Variants in PLCE1 observed in about 807,000 individuals in gnomAD.
PLCE1 encodes the protein 1-phosphatidylinositol 4,5-bisphosphate phosphodiesterase epsilon-1.
PLCE1 carries 119 observed loss-of-function variants against 242.8 expected under a neutral mutation model. That is an observed-to-expected ratio of 0.49 (90% CI 0.42 to 0.57). The LOEUF is 0.57. PLCE1 is among the 20% of genes least tolerant of loss of function. PLCE1 has a pLI of 0.00. For synonymous variants in PLCE1, 945 were observed against 1,017.4 expected (o/e 0.93, Z 1.35); for missense variants, 2,441 against 2,788.8 (o/e 0.88, Z 2.81).
chr10:94,086,824 T>A (rs1202037779), intron 2 of PLCE1, among the ~76,000 whole-genome samples: 1 of 152,182 alleles, frequency 6.6e-6, no homozygotes, highest in Non-Finnish European at 1.5e-5. Context: ...TGTGGCCCTA[T>A]GCAAATCATT....
At chr10:94,196,325 T>C (rs2048819761) in intron 4 of PLCE1, among the ~76,000 whole-genome samples, 1 of 152,232 alleles carries the variant, frequency 6.6e-6, no homozygotes, top group South Asian at 2.1e-4. Flanking sequence ...GTTCTCTTCT[T>C]CGTTCCTTTG....
intron 1 of PLCE1, among the ~76,000 whole-genome samples, chr10:94,003,037 A>G (rs547561916): frequency 1.3e-5 from 2 of 152,208 alleles, no homozygotes; most frequent in South Asian, 4.2e-4. Context: ...CTTACTCATT[A>G]TTTTCTAAAG....
At chr10:94,319,860 T>TCAAAGGA (rs542683196) in intron 29 of PLCE1, among the ~76,000 whole-genome samples, 1 of 137,948 alleles carries the variant, frequency 7.2e-6, no homozygotes, top group African/African-American at 2.7e-5. Flanking sequence ...GGCTCAAAGG[T>TCAAAGGA]GCTCTTTTTT....
intron 3 of PLCE1, among the ~76,000 whole-genome samples, chr10:94,170,310 C>T (rs1168130721): frequency 6.6e-6 from 1 of 152,194 alleles, no homozygotes; most frequent in Non-Finnish European, 1.5e-5. Flanking sequence ...TGTTCTAGGG[C>T]TCATCAGAGA....
chr10:94,124,811 T>G (rs2135816400), intron 2 of PLCE1, among the ~76,000 whole-genome samples: 1 of 152,366 alleles, frequency 6.6e-6, no homozygotes, highest in East Asian at 1.9e-4. Flanking sequence ...CCTTTGACTC[T>G]AAGCCCATCA....
chr10:94,063,653 C>T (rs1311439404), intron 2 of PLCE1, among the ~76,000 whole-genome samples: 2 of 152,004 alleles, frequency 1.3e-5, no homozygotes, highest in African/African-American at 4.8e-5. Context: ...GTGGCAAACA[C>T]GATGTGGTTC....
intron 2 of PLCE1, among the ~76,000 whole-genome samples, chr10:94,113,416 G>C (rs2046016430): frequency 6.6e-6 from 1 of 152,122 alleles, no homozygotes; most frequent in East Asian, 1.9e-4. Flanking sequence ...CAATAACTGA[G>C]GGCAAAATAA....
intron 2 of PLCE1, among the ~76,000 whole-genome samples, chr10:94,077,882 G>A (rs1428134567): frequency 2.0e-5 from 3 of 152,210 alleles, no homozygotes; most frequent in Non-Finnish European, 4.4e-5. Context: ...TCTGAGGATA[G>A]GGACTTTATT....
Position 94,283,452 on chromosome 10 carries a change from G to A in PLCE1, c.4796-338G>A, listed in dbSNP as rs116826879. On this transcript the variant is annotated intron_variant, in intron 20 of 32. Transcript: ENST00000371380. Reference sequence around the variant, plus strand: ...GTGTGCTGTCAGCTTCTTGACACGGGGTATCTTCCATAATATTTGCACAGT... The same window carrying A: ...GTGTGCTGTCAGCTTCTTGACACGGAGTATCTTCCATAATATTTGCACAGT... 399 of 308,114 alleles carry A rather than the reference G, an allele frequency of 1.3e-3. 3 individuals are homozygous for A. The highest frequency in any genetic ancestry group is 8.3e-3 in the African/African-American group (376 of 45,566). 19.1% of individuals were successfully genotyped at this position (308,114 alleles called of 1,614,324 possible).
chr10:94,222,538 G>A (rs140414769), intron 4 of PLCE1, among the ~76,000 whole-genome samples: 73 of 152,344 alleles, frequency 4.8e-4, no homozygotes, highest in Middle Eastern at 3.4e-3. Context: ...AGAGCATGCA[G>A]TGTGTGGACA....
intron 2 of PLCE1, among the ~76,000 whole-genome samples, chr10:94,087,621 G>A (rs1258489734): frequency 6.6e-6 from 1 of 151,930 alleles, no homozygotes. Flanking sequence ...GTTTGTAGAG[G>A]TGGTGGGGGA....
At chr10:94,079,826 C>A (rs941345684) in intron 2 of PLCE1, among the ~76,000 whole-genome samples, 1 of 152,136 alleles carries the variant, frequency 6.6e-6, no homozygotes, top group African/African-American at 2.4e-5. Flanking sequence ...CCTTTGCTGC[C>A]TCCTAGCTCT....
In PLCE1 at chr10:94,176,301, G is replaced by C. The variant is rs141534222; in HGVS notation, c.1809+4805G>C. ...TGTGGTCTCAGCTACTTGGGAGGCTGAGGTGGGAGGATTGCCTGATCCTGG... is the reference window on the plus strand; with the variant it reads ...TGTGGTCTCAGCTACTTGGGAGGCTCAGGTGGGAGGATTGCCTGATCCTGG... On this transcript the variant is annotated intron_variant, in intron 4 of 32. Coordinates refer to ENST00000371380, the MANE Select transcript of PLCE1 (RefSeq NM_016341.4). Among the ~76,000 whole-genome samples, 428 of 152,244 alleles carry C rather than the reference G, an allele frequency of 2.8e-3. 5 individuals are homozygous for C. The highest frequency in any genetic ancestry group is 9.9e-3 in the African/African-American group (411 of 41,540).
At chr10:94,069,300 G>A (rs2044285927) in intron 2 of PLCE1, among the ~76,000 whole-genome samples, 1 of 152,166 alleles carries the variant, frequency 6.6e-6, no homozygotes, top group Non-Finnish European at 1.5e-5. Context: ...AAGATCCAAA[G>A]CAGAAACTCT....
chr10:94,221,219 C>T (rs2049732363), intron 4 of PLCE1, among the ~76,000 whole-genome samples: 1 of 152,206 alleles, frequency 6.6e-6, no homozygotes, highest in Non-Finnish European at 1.5e-5. Flanking sequence ...TTGGAATCTA[C>T]ATTTGAACAA....
In PLCE1 at chr10:94,292,441, G is replaced by A. The variant is rs187503571; in HGVS notation, c.5036-1067G>A. 3.4e-4 allele frequency among the ~76,000 whole-genome samples: 52 copies of A among 152,246 alleles called. 1 individual carries two copies. The highest frequency in any genetic ancestry group is 6.2e-4 in the Non-Finnish European group (42 of 68,010). ...GTATGATACAAATATTCCAAAATCCGAAGAAATCTGAAATCTGAAACACTT... is the reference window on the plus strand; with the variant it reads ...GTATGATACAAATATTCCAAAATCCAAAGAAATCTGAAATCTGAAACACTT... On this transcript the variant is annotated intron_variant, in intron 22 of 32. Coordinates refer to ENST00000371380, the MANE Select transcript of PLCE1 (RefSeq NM_016341.4).
At chr10:94,106,911 T>TG (rs2045756088) in intron 2 of PLCE1, among the ~76,000 whole-genome samples, 1 of 131,190 alleles carries the variant, frequency 7.6e-6, no homozygotes, top group African/African-American at 2.8e-5. Context: ...TTGTCTCTTG[T>TG]TTCTCTCTCT....
rs769027296 is a variant in PLCE1, at chr10:94,258,813, A to G, written c.3568A>G (p.Ser1190Gly). 2.1e-5 allele frequency: 34 copies of G among 1,614,002 alleles called. No individual in the cohort carries two copies. The African/African-American group carries it at 3.6e-4, about 17-fold the overall frequency. Residue 1190 changes from serine (S) to glycine (G), a missense_variant, in exon 12 of 33, where the codon AGT (serine) becomes GGT (glycine). Physicochemically the swap from Ser to Gly is moderately conservative, Grantham distance 56. Transcript: ENST00000371380. ...TCTTTGTTGCAGTGCTTGGAGCAGT[A>G]GTAGCTGGCACGGGCGGATCAAAGG... ...NKSPSSAWSS[S>G]SWHGRIKGGM...
At chr10:94,311,203 G>A (rs1216433647) in intron 27 of PLCE1, among the ~76,000 whole-genome samples, 3 of 152,168 alleles carry the variant, frequency 2.0e-5, no homozygotes, top group Non-Finnish European at 4.4e-5. Flanking sequence ...TTTTTATGGA[G>A]GTTTCATGAC....
Sources: allele counts gnomAD v4.1 joint callset (sites outside exome capture counted in the v4.1 genomes callset), GRCh38; gene constraint gnomAD v4.1.1; transcripts MANE v1.5; gene names NCBI Gene and HGNC (gene_info 2026-07-23, HGNC 2026-07-21).